The following ARHGAP10 variants were observed in gnomAD, a reference collection of about 807,000 sequenced individuals.
The protein encoded by ARHGAP10 is Rho GTPase activating protein 10, also known as rho GTPase-activating protein 10.
Under a neutral mutation model 108.6 loss-of-function variants are expected in ARHGAP10, and 87 were observed. The ratio of observed to expected loss-of-function variants is 0.80; its 90% CI spans 0.67 to 0.96. The LOEUF (loss-of-function observed/expected upper bound fraction) is 0.96, where lower values mean the gene tolerates loss of function less well. Among genes scored for constraint, ARHGAP10 ranks in the 40% least tolerant of loss-of-function variants. The pLI, the probability that ARHGAP10 is intolerant of heterozygous loss-of-function variation, is 0.00. For synonymous variants in ARHGAP10, 347 were observed against 341.1 expected (o/e 1.02, Z -0.19); for missense variants, 939 against 954.5 (o/e 0.98, Z 0.21).
At chr4:147,788,079 AAC>A (rs1730965953) in intron 1 of ARHGAP10, among the ~76,000 whole-genome samples, 1 of 152,094 alleles carries the variant, frequency 6.6e-6, no homozygotes, top group Non-Finnish European at 1.5e-5. Context: ...CCACAAACCA[AAC>A]ACACCCCTGC....
chr4:147,990,188 G>A (rs954938224), intron 18 of ARHGAP10, among the ~76,000 whole-genome samples: 3 of 152,182 alleles, frequency 2.0e-5, no homozygotes, highest in African/African-American at 2.4e-5. Flanking sequence ...GAATTCTTAC[G>A]AATGTCTCCC....
intron 13 of ARHGAP10, among the ~76,000 whole-genome samples, chr4:147,921,707 C>G (rs1210482943): frequency 6.6e-6 from 1 of 152,170 alleles, no homozygotes; most frequent in Non-Finnish European, 1.5e-5. Context: ...GAATCCCAGA[C>G]AGACTCAGAA....
chr4:147,741,784 A>ACACACG (rs1392388456), intron 1 of ARHGAP10, among the ~76,000 whole-genome samples: 443 of 19,496 alleles, frequency 0.023, 1 homozygote, highest in Non-Finnish European at 0.045. Flanking sequence ...ACACACACAC[A>ACACACG]CACACACGCA....
At chr4:147,764,588 C>T (rs985139126) in intron 1 of ARHGAP10, among the ~76,000 whole-genome samples, 1 of 152,076 alleles carries the variant, frequency 6.6e-6, no homozygotes, top group Non-Finnish European at 1.5e-5. Context: ...GGGTGGAGTG[C>T]AGTGGCGTGA....
chr4:147,749,261 T>G (rs1361032936), intron 1 of ARHGAP10, among the ~76,000 whole-genome samples: 2 of 152,200 alleles, frequency 1.3e-5, no homozygotes, highest in Non-Finnish European at 2.9e-5. Context: ...TATCTATGCC[T>G]TATAATAGAA....
intron 18 of ARHGAP10, among the ~76,000 whole-genome samples, chr4:147,973,290 T>G (rs368173121): frequency 6.6e-6 from 1 of 152,178 alleles, no homozygotes; most frequent in African/African-American, 2.4e-5. Context: ...TAGTGACCTG[T>G]TAGCTTATGT....
At chr4:147,785,878 G>C (rs990694724) in intron 1 of ARHGAP10, among the ~76,000 whole-genome samples, 1 of 152,098 alleles carries the variant, frequency 6.6e-6, no homozygotes, top group African/African-American at 2.4e-5. Context: ...TTATCCTTTA[G>C]ATAGGCAAAC....
At chr4:147,767,299 A>G (rs1485256748) in intron 1 of ARHGAP10, among the ~76,000 whole-genome samples, 2 of 151,992 alleles carry the variant, frequency 1.3e-5, no homozygotes, top group Non-Finnish European at 2.9e-5. Context: ...TACTAGTTTA[A>G]CTTCTAATTA....
chr4:147,878,821 G>C (rs1735200179), intron 8 of ARHGAP10, among the ~76,000 whole-genome samples: 1 of 135,784 alleles, frequency 7.4e-6, no homozygotes, highest in South Asian at 2.2e-4. Context: ...CTGTTGCCCA[G>C]GCTGGAGCGC....
At chr4:148,022,639 T>G (rs1234360911) in intron 18 of ARHGAP10, among the ~76,000 whole-genome samples, 1 of 152,186 alleles carries the variant, frequency 6.6e-6, no homozygotes, top group Non-Finnish European at 1.5e-5. Context: ...GATCTGTGAA[T>G]GACATTATAG....
At chr4:147,834,518 A>T (rs1449569727) in intron 3 of ARHGAP10, among the ~76,000 whole-genome samples, 1 of 152,112 alleles carries the variant, frequency 6.6e-6, no homozygotes, top group Non-Finnish European at 1.5e-5. Flanking sequence ...CAGTGGATGA[A>T]TCCATTCATC....
intron 3 of ARHGAP10, among the ~76,000 whole-genome samples, chr4:147,842,552 T>A (rs188434640): frequency 1.5e-3 from 224 of 152,308 alleles, no homozygotes; most frequent in African/African-American, 4.7e-3. Context: ...CCTCTCTGAT[T>A]TCCTCATCTG....
rs190358529 is a variant in ARHGAP10 at position 147,786,930 on chromosome 4, C to A, written c.155-35797C>A. Reference sequence around the variant, plus strand: ...CCTTCTCCAGGGTCACACCTCTGACCTCCCTGGACTCAGTTTAGAGGATGC... The same window carrying A: ...CCTTCTCCAGGGTCACACCTCTGACATCCCTGGACTCAGTTTAGAGGATGC... On this transcript the variant is annotated intron_variant, in intron 1 of 22. Transcript: ENST00000336498. Among the ~76,000 whole-genome samples, 343 of 152,362 alleles carry A rather than the reference C, an allele frequency of 2.3e-3. 2 individuals carry two copies. Among genetic ancestry groups the A allele is most frequent in the African/African-American group, 7.9e-3 (330 of 41,580 alleles).
chr4:148,003,557 G>T (rs1740821047), intron 18 of ARHGAP10, among the ~76,000 whole-genome samples: 1 of 152,132 alleles, frequency 6.6e-6, no homozygotes, highest in Non-Finnish European at 1.5e-5. Flanking sequence ...AAGTCTCTTT[G>T]TAGGTCTCTA....
intron 1 of ARHGAP10, among the ~76,000 whole-genome samples, chr4:147,762,148 T>C (rs1014845069): frequency 7.9e-5 from 12 of 152,114 alleles, no homozygotes; most frequent in Middle Eastern, 3.4e-3. Flanking sequence ...GCTGGGACCA[T>C]AGGCATGCGC....
chr4:148,000,960 G>A (rs185402185), intron 18 of ARHGAP10, among the ~76,000 whole-genome samples: 136 of 152,286 alleles, frequency 8.9e-4, no homozygotes, highest in African/African-American at 3.2e-3. Flanking sequence ...TTTGGCTTTT[G>A]TTGCCATTGC....
chr4:148,050,791 A>G (rs1729103495), intron 20 of ARHGAP10, among the ~76,000 whole-genome samples: 1 of 152,130 alleles, frequency 6.6e-6, no homozygotes, highest in Non-Finnish European at 1.5e-5. Context: ...TTCTCATTGT[A>G]TGTTCTCTTC....
intron 16 of ARHGAP10, among the ~76,000 whole-genome samples, chr4:147,956,535 G>A (rs1029688469): frequency 2.6e-5 from 4 of 152,012 alleles, no homozygotes; most frequent in African/African-American, 9.7e-5. Context: ...AAATTTTTTC[G>A]GCAAAAACTC....
rs904126085 is a variant in ARHGAP10, at chr4:147,989,246, G to A, written c.1716+22407G>A. Among the ~76,000 whole-genome samples the A allele has an allele frequency of 2.0e-5, 3 of 152,170 alleles. No homozygotes were observed. The South Asian group carries it at 6.2e-4, about 32-fold the overall frequency. ...ACATCAAGTACTTAACAGGGTAATA[G>A]AATATCACAAGGCAAGTGGAGGCAG... On this transcript the variant is annotated intron_variant, in intron 18 of 22. Coordinates refer to ENST00000336498, the MANE Select transcript of ARHGAP10 (RefSeq NM_024605.4).
Sources: allele counts gnomAD v4.1 joint callset (sites outside exome capture counted in the v4.1 genomes callset), GRCh38; gene constraint gnomAD v4.1.1; transcripts MANE v1.5; gene names NCBI Gene and HGNC (gene_info 2026-07-23, HGNC 2026-07-21).